LRRC20: variants seen among roughly 807,000 people sequenced by gnomAD.
LRRC20 encodes leucine-rich repeat-containing protein 20.
In LRRC20, 11 loss-of-function variants were observed where a neutral mutation model predicts 14.4. That is an observed-to-expected ratio of 0.77 (90% confidence interval 0.48 to 1.27). The LOEUF (loss-of-function observed/expected upper bound fraction) is 1.27, where lower values mean the gene tolerates loss of function less well. Among genes scored for constraint, LRRC20 ranks in the 50% most tolerant of loss-of-function variants. The probability of loss-of-function intolerance (pLI) is 0.00; values close to 1 mark genes in which losing one functional copy is unlikely to be tolerated. For synonymous variants in LRRC20, 121 were observed against 107.3 expected (o/e 1.13, Z -0.79); for missense variants, 219 against 251.2 (o/e 0.87, Z 0.87).
chr10:70,378,215 G>A (rs754621460), intron 1 of LRRC20, among the ~76,000 whole-genome samples: 1 of 152,166 alleles, frequency 6.6e-6, no homozygotes, highest in Non-Finnish European at 1.5e-5. Flanking sequence ...CATCTTTGAG[G>A]AATGAGTGGA....
intron 2 of LRRC20, among the ~76,000 whole-genome samples, chr10:70,341,676 G>A (rs184315987): frequency 4.6e-5 from 7 of 152,170 alleles, no homozygotes; most frequent in African/African-American, 1.2e-4. Flanking sequence ...GCTGAGGCAC[G>A]AGAATCACTT....
At chr10:70,301,623 C>T (rs1303576190) in intron 4 of LRRC20, 115 bp from the exon 5 acceptor site, 2 of 1,294,778 alleles carry the variant, frequency 1.5e-6, no homozygotes, top group Admixed American at 2.0e-5. Flanking sequence ...TCTCCATTGC[C>T]CACTGCACGT....
intron 3 of LRRC20, among the ~76,000 whole-genome samples, chr10:70,327,767 C>T (rs959239838): frequency 2.0e-5 from 3 of 152,002 alleles, no homozygotes; most frequent in Non-Finnish European, 4.4e-5. Context: ...CCAACCTCTC[C>T]CCAAGGTATG....
intron 1 of LRRC20, among the ~76,000 whole-genome samples, chr10:70,379,010 CA>C (rs1844610922): frequency 6.6e-6 from 1 of 152,122 alleles, no homozygotes. Flanking sequence ...AGCTTGGGGC[CA>C]GGGAATAGAC....
chr10:70,358,650 T>A (rs558186699), intron 2 of LRRC20, among the ~76,000 whole-genome samples: 1 of 152,244 alleles, frequency 6.6e-6, no homozygotes, highest in Non-Finnish European at 1.5e-5. Flanking sequence ...CTCCTCAAGC[T>A]CACCGACCAT....
chr10:70,307,094 G>T (rs1212781633), intron 4 of LRRC20, among the ~76,000 whole-genome samples: 1 of 152,222 alleles, frequency 6.6e-6, no homozygotes, highest in African/African-American at 2.4e-5. Context: ...CCTGGAATCA[G>T]CCACTTCTCC....
intron 3 of LRRC20, among the ~76,000 whole-genome samples, chr10:70,338,295 C>T (rs530585494): frequency 6.6e-6 from 1 of 151,986 alleles, no homozygotes; most frequent in African/African-American, 2.4e-5. Flanking sequence ...ACTTCATGCA[C>T]CCTCTCCCTC....
intron 3 of LRRC20, among the ~76,000 whole-genome samples, chr10:70,328,935 A>C (rs1842430266): frequency 6.6e-6 from 1 of 152,222 alleles, no homozygotes; most frequent in African/African-American, 2.4e-5. Flanking sequence ...GATAGAAGAC[A>C]CATGACACTT....
chr10:70,374,556 C>G (rs761218521), intron 2 of LRRC20, among the ~76,000 whole-genome samples: 30 of 152,100 alleles, frequency 2.0e-4, no homozygotes, highest in Non-Finnish European at 3.4e-4. Context: ...GTTGGCCAGG[C>G]TGGTCTTGAA....
rs574340693 is a variant in LRRC20 at position 70,310,193 on chromosome 10, G to T, written c.401-8685C>A. Among the ~76,000 whole-genome samples the T allele has an allele frequency of 1.2e-3, 176 of 152,352 alleles. 2 individuals carry two copies. The South Asian group carries it at 0.035, about 31-fold the overall frequency. On this transcript the variant is annotated intron_variant, in intron 4 of 4. Coordinates refer to ENST00000446961, the MANE Select transcript of LRRC20 (RefSeq NM_001278212.2). ...AAGTGACAAGCCCAAGAAGGCAACT[G>T]GGAGTTTCTGGATAAAGCTGAAAGA... is the stretch of plus-strand genomic sequence containing the variant.
At chr10:70,364,897 G>A (rs1843913889) in intron 2 of LRRC20, among the ~76,000 whole-genome samples, 1 of 152,010 alleles carries the variant, frequency 6.6e-6, no homozygotes, top group Non-Finnish European at 1.5e-5. Context: ...CCAGAACCCT[G>A]CCAGGCAATG....
chr10:70,304,470 T>TTATATAGATATATA (rs1554835659), intron 4 of LRRC20, among the ~76,000 whole-genome samples: 14 of 113,826 alleles, frequency 1.2e-4, no homozygotes, highest in African/African-American at 3.9e-4. Context: ...GGCCACTTCT[T>TTATATAGATATATA]TATATATATA....
intron 2 of LRRC20, among the ~76,000 whole-genome samples, chr10:70,366,479 A>G (rs1844005733): frequency 6.6e-6 from 1 of 152,164 alleles, no homozygotes; most frequent in Non-Finnish European, 1.5e-5. Context: ...ACTCATCATC[A>G]GAGAACTGTA....
chr10:70,319,481 C>T (rs1400123569), intron 4 of LRRC20, among the ~76,000 whole-genome samples: 1 of 152,306 alleles, frequency 6.6e-6, no homozygotes, highest in East Asian at 1.9e-4. Context: ...CATGCCTCCA[C>T]CTCCTTAGAA....
intron 3 of LRRC20, among the ~76,000 whole-genome samples, chr10:70,330,475 G>A (rs1589074715): frequency 6.6e-6 from 1 of 152,116 alleles, no homozygotes; most frequent in East Asian, 1.9e-4. Context: ...CCCAAGGGAG[G>A]GCAAAGACAG....
chr10:70,340,734 T>C, intron 2 of LRRC20, 32 bp from the exon 3 acceptor site: 1 of 1,612,560 alleles, frequency 6.2e-7, no homozygotes, highest in Non-Finnish European at 8.5e-7. Flanking sequence ...AAACCAGAGT[T>C]ATCAGCCACA....
intron 4 of LRRC20, among the ~76,000 whole-genome samples, chr10:70,304,470 TTATATA>T (rs57284629): frequency 0.16 from 17,936 of 113,614 alleles, 2,077 homozygotes; most frequent in East Asian, 0.29. Context: ...GGCCACTTCT[TTATATA>T]TATATATATA....
intron 3 of LRRC20, among the ~76,000 whole-genome samples, chr10:70,329,420 T>C (rs1842448995): frequency 6.6e-6 from 1 of 152,160 alleles, no homozygotes; most frequent in Admixed American, 6.5e-5. Context: ...CATCATCAAG[T>C]CTGATGTTAG....
chr10:70,341,882 C>T (rs140937011), intron 2 of LRRC20, among the ~76,000 whole-genome samples: 2 of 152,106 alleles, frequency 1.3e-5, no homozygotes, highest in East Asian at 3.9e-4. Context: ...CAAAGGCCTG[C>T]ATATTGTACA....
Sources: gnomAD v4.1 joint callset for allele counts (sites outside exome capture counted in the v4.1 genomes callset) on GRCh38, gnomAD v4.1.1 for gene constraint, MANE v1.5 for transcripts, NCBI Gene and HGNC (gene_info 2026-07-23, HGNC 2026-07-21) for gene names.